TTC3: variants seen among roughly 807,000 people sequenced by gnomAD.
TTC3 encodes the protein tetratricopeptide repeat domain 3.
Under a neutral mutation model 249.6 loss-of-function variants are expected in TTC3, and 180 were observed. The ratio of observed to expected loss-of-function variants is 0.72; its 90% CI spans 0.64 to 0.82. TTC3 has a LOEUF of 0.82. TTC3 is among the 40% of genes least tolerant of loss of function. The pLI is 0.00. For synonymous variants in TTC3, 717 were observed against 805.0 expected (o/e 0.89, Z 1.85); for missense variants, 2,061 against 2,398.4 (o/e 0.86, Z 2.94).
chr21:37,199,166 G>C (rs749274136), intron 44 of TTC3, among the ~76,000 whole-genome samples: 27 of 152,198 alleles, frequency 1.8e-4, no homozygotes, highest in Non-Finnish European at 1.0e-4. Context: ...AGCAGTTCAA[G>C]GTCTTCTCAG....
At chr21:37,133,679 G>A (rs903940587) in intron 17 of TTC3, among the ~76,000 whole-genome samples, 1 of 152,126 alleles carries the variant, frequency 6.6e-6, no homozygotes, top group African/African-American at 2.4e-5. Context: ...GAGCTTTCAG[G>A]ACAGATCATT....
intron 30 of TTC3, 107 bp downstream of exon 30, chr21:37,160,965 G>T: frequency 8.8e-7 from 1 of 1,135,038 alleles, no homozygotes; most frequent in South Asian, 1.7e-5. Flanking sequence ...AACATTTGTA[G>T]AGAAAGACTT....
intron 10 of TTC3, among the ~76,000 whole-genome samples, chr21:37,100,332 A>G (rs769563321): frequency 1.3e-4 from 20 of 152,252 alleles, no homozygotes; most frequent in Non-Finnish European, 2.1e-4. Flanking sequence ...AAATGTAATT[A>G]AAATGCACAT....
chr21:37,138,556 C>A, intron 18 of TTC3, 78 bp from the exon 19 acceptor site: 2 of 931,196 alleles, frequency 2.1e-6, no homozygotes, highest in East Asian at 2.5e-5. Flanking sequence ...TTCTATTACA[C>A]TTCTTTTTCT....
intron 1 of TTC3, among the ~76,000 whole-genome samples, chr21:37,075,395 A>G (rs139325118): frequency 9.2e-5 from 14 of 152,306 alleles, no homozygotes; most frequent in African/African-American, 3.4e-4. Context: ...GCTTGTGCAC[A>G]CATTTGGAAG....
chr21:37,188,538 T>C, exon 39 of TTC3: 1 of 1,614,044 alleles, frequency 6.2e-7, no homozygotes, highest in South Asian at 1.1e-5. Context: ...GTGTATAAGC[T>C]ACAGATCATG....
Position 37,142,924 on chromosome 21 carries a change from C to T in TTC3, c.1773-1601C>T, listed in dbSNP as rs191833317. The stretch of plus-strand genomic sequence containing the variant: ...TATAGACCAATGGAACAGAACAGAG[C>T]CCTCAGAAATAATACCACACATCTA... On this transcript the variant is annotated intron_variant, in intron 20 of 45. Coordinates refer to ENST00000355666, the Ensembl canonical transcript of TTC3. 2.6e-5 allele frequency among the ~76,000 whole-genome samples: 4 copies of T among 152,182 alleles called. No homozygotes were observed. In the East Asian group the frequency reaches 5.8e-4, roughly 22 times the overall value.
intron 34 of TTC3, among the ~76,000 whole-genome samples, chr21:37,167,845 C>A (rs1381148572): frequency 6.6e-6 from 1 of 151,428 alleles, no homozygotes; most frequent in Non-Finnish European, 1.5e-5. Flanking sequence ...ATTATAACAG[C>A]GTTATTGTTT....
intron 20 of TTC3, among the ~76,000 whole-genome samples, chr21:37,141,302 T>G (rs1158771342): frequency 6.6e-6 from 1 of 152,208 alleles, no homozygotes; most frequent in Non-Finnish European, 1.5e-5. Flanking sequence ...GGTAGGTATG[T>G]TAGATTATAA....
At chr21:37,151,811 A>G (rs780311621) in intron 25 of TTC3, 82 bp from the exon 26 acceptor site, 10 of 1,421,146 alleles carry the variant, frequency 7.0e-6, no homozygotes, top group Non-Finnish European at 9.3e-6. Context: ...AAAACTTCTA[A>G]TATATTGCTT....
intron 11 of TTC3, among the ~76,000 whole-genome samples, chr21:37,110,459 C>T (rs539221427): frequency 9.9e-5 from 15 of 151,964 alleles, no homozygotes; most frequent in Admixed American, 2.0e-4. Context: ...AGGGTATCAG[C>T]GATGGAAGAT....
intron 42 of TTC3, among the ~76,000 whole-genome samples, chr21:37,197,052 G>A (rs1038655592): frequency 2.0e-5 from 3 of 152,200 alleles, no homozygotes; most frequent in Non-Finnish European, 2.9e-5. Context: ...AGTGCAGCTC[G>A]GATCAAAGGA....
chr21:37,079,505 G>GT (rs2071328157), intron 1 of TTC3, among the ~76,000 whole-genome samples: 1 of 114,530 alleles, frequency 8.7e-6, no homozygotes, highest in Non-Finnish European at 1.8e-5. Context: ...CTTTCATCAA[G>GT]TTTATGGTAT....
At position 37,126,420 on chromosome 21, in the gene TTC3, T is replaced by G. The variant is rs373597984; in HGVS notation, c.1297+277T>G. Among the ~76,000 whole-genome samples, 19 of 152,320 alleles carry G rather than the reference T, an allele frequency of 1.2e-4. No homozygotes were observed. The East Asian group carries it at 2.5e-3, about 20-fold the overall frequency. ...CTGCTTCTTAATTTTTTTTAGGCTG[T>G]TGTTTCTCATTATTGAAAGTTTATT... is the stretch of plus-strand genomic sequence containing the variant. On this transcript the variant is annotated intron_variant, in intron 15 of 45. Transcript: ENST00000355666.
At chr21:37,196,839 A>T (rs569531983) in intron 42 of TTC3, among the ~76,000 whole-genome samples, 1 of 152,342 alleles carries the variant, frequency 6.6e-6, no homozygotes, top group Non-Finnish European at 1.5e-5. Context: ...TGGACATGTT[A>T]ACAAGGGGTC....
intron 11 of TTC3, among the ~76,000 whole-genome samples, chr21:37,112,219 A>C (rs2075732733): frequency 6.6e-6 from 1 of 152,224 alleles, no homozygotes; most frequent in African/African-American, 2.4e-5. Flanking sequence ...GGAAATAGAG[A>C]CACAAAAAAC....
chr21:37,129,160 G>A (rs1456547270), intron 16 of TTC3, 97 bp downstream of exon 16: 4 of 701,744 alleles, frequency 5.7e-6, no homozygotes, highest in African/African-American at 1.9e-5. Flanking sequence ...CTACTTTAAT[G>A]TATGTATTAT....
intron 18 of TTC3, among the ~76,000 whole-genome samples, chr21:37,138,374 T>TA (rs1315042789): frequency 4.6e-5 from 7 of 152,110 alleles, no homozygotes; most frequent in Non-Finnish European, 1.0e-4. Flanking sequence ...AATTATAAAT[T>TA]AATCTATTAT....
chr21:37,189,137 T>G (rs1481892315), intron 39 of TTC3, among the ~76,000 whole-genome samples: 2 of 152,262 alleles, frequency 1.3e-5, no homozygotes, highest in African/African-American at 4.8e-5. Context: ...GCCAAGTTGC[T>G]TTCCATAGTA....
Sources: gnomAD v4.1 joint callset for allele counts (sites outside exome capture counted in the v4.1 genomes callset) on GRCh38, gnomAD v4.1.1 for gene constraint, MANE v1.5 for transcripts, NCBI Gene and HGNC (gene_info 2026-07-23, HGNC 2026-07-21) for gene names.